The following FANCC variants were observed in gnomAD, a reference collection of about 807,000 sequenced individuals.
FANCC encodes the protein Fanconi anemia group C protein.
FANCC carries 55 observed loss-of-function variants against 71.3 expected under a neutral mutation model. The observed-to-expected ratio is 0.77, with a 90% CI of 0.62 to 0.97. FANCC has a LOEUF of 0.97. Ranked by LOEUF, FANCC falls within the 50% of genes least tolerant of loss-of-function variation. FANCC has a pLI of 0.00. For missense variants in FANCC, 678 were observed against 670.9 expected (o/e 1.01, Z -0.12); for synonymous variants, 275 against 244.9 (o/e 1.12, Z -1.15).
intron 7 of FANCC, among the ~76,000 whole-genome samples, chr9:95,140,850 C>G (rs1309708940): frequency 6.6e-6 from 1 of 152,154 alleles, no homozygotes; most frequent in Non-Finnish European, 1.5e-5. Flanking sequence ...TCTGCATGTA[C>G]AGAGCAGCTC....
chr9:95,290,013 T>G (rs1485127330), intron 1 of FANCC, among the ~76,000 whole-genome samples: 1 of 152,190 alleles, frequency 6.6e-6, no homozygotes. Flanking sequence ...TCTGAAAGAC[T>G]GATTCCAGAA....
chr9:95,317,426 C>T (rs1018639871), intron 1 of FANCC, 100 bp downstream of exon 1: 2 of 152,882 alleles, frequency 1.3e-5, no homozygotes, highest in Admixed American at 6.5e-5. Context: ...AGCCTTCCCT[C>T]TTGCCCCTCG....
intron 1 of FANCC, among the ~76,000 whole-genome samples, chr9:95,272,459 G>T (rs1832796528): frequency 6.6e-6 from 1 of 152,104 alleles, no homozygotes; most frequent in African/African-American, 2.4e-5. Flanking sequence ...GCAGTTGAGA[G>T]GCCAAGCGGG....
chr9:95,278,680 T>C (rs561948553), intron 1 of FANCC, among the ~76,000 whole-genome samples: 1 of 152,298 alleles, frequency 6.6e-6, no homozygotes, highest in South Asian at 2.1e-4. Flanking sequence ...AATTTCTGAC[T>C]TACAATATTT....
chr9:95,171,480 A>G (rs1398671175), intron 5 of FANCC, among the ~76,000 whole-genome samples: 1 of 151,834 alleles, frequency 6.6e-6, no homozygotes, highest in Non-Finnish European at 1.5e-5. Context: ...AAAAGTTGTT[A>G]TTGTACAAAG....
chr9:95,135,432 C>T lies in FANCC; in HGVS notation c.757G>A (p.Ala253Thr), dbSNP rs1827529817. Residue 253 changes from alanine to threonine, a missense_variant, in exon 8 of 15, where the codon GCA becomes ACA. Transcript: ENST00000289081. ...AGCTTTTCAAAAAGATGCAGCATTG[C>T]TTTTTCAAGGCTGGGAAGGTGCCGA... ...WLRHLPSLEK[A>T]MLHLFEKLIS... 1.9e-6 allele frequency: 3 copies of T among 1,613,928 alleles called. No individual in the cohort carries two copies. The highest frequency in any genetic ancestry group is 1.1e-5 in the South Asian group (1 of 91,074).
intron 7 of FANCC, among the ~76,000 whole-genome samples, chr9:95,144,148 G>A (rs575935340): frequency 2.0e-5 from 3 of 152,142 alleles, no homozygotes; most frequent in Non-Finnish European, 4.4e-5. Flanking sequence ...GGGGCTGGGC[G>A]CGGCTGGTAA....
intron 7 of FANCC, among the ~76,000 whole-genome samples, chr9:95,149,222 A>G (rs2135417654): frequency 6.6e-6 from 1 of 152,308 alleles, no homozygotes; most frequent in African/African-American, 2.4e-5. Flanking sequence ...TAAGGGTTTA[A>G]CAGATTTTTA....
At chr9:95,285,731 G>A (rs368189463) in intron 1 of FANCC, among the ~76,000 whole-genome samples, 1 of 152,026 alleles carries the variant, frequency 6.6e-6, no homozygotes, top group Non-Finnish European at 1.5e-5. Flanking sequence ...CTCATATGCA[G>A]GTTTCTGGTA....
chr9:95,218,298 C>A (rs554843250), intron 4 of FANCC, among the ~76,000 whole-genome samples: 2 of 152,070 alleles, frequency 1.3e-5, no homozygotes, highest in Non-Finnish European at 2.9e-5. Context: ...AACCTCGTTG[C>A]CATAAAAAAT....
chr9:95,235,122 C>T (rs1830228372), intron 4 of FANCC, among the ~76,000 whole-genome samples: 1 of 152,198 alleles, frequency 6.6e-6, no homozygotes, highest in Admixed American at 6.5e-5. Flanking sequence ...AAATAAACAA[C>T]AAAACCAATG....
rs1554829441 is a variant in FANCC, at chr9:95,111,462, C to A, written c.1329+1G>T. The A allele has an allele frequency of 1.9e-6, 3 of 1,612,188 alleles. No homozygotes were observed. In the African/African-American group the frequency reaches 4.0e-5, roughly 22 times the overall value. On this transcript the variant is annotated splice_donor_variant, in intron 13 of 14. Transcript: ENST00000289081. LOFTEE classifies it high-confidence loss of function. ...CACATGCAGTGGGGCCTGCTACCCA[C>A]CATAGTCTGTGCTCTCTGCTGCCTC...
chr9:95,103,998 C>T (rs531498050), intron 14 of FANCC, among the ~76,000 whole-genome samples: 100 of 152,320 alleles, frequency 6.6e-4, no homozygotes, highest in Non-Finnish European at 1.1e-3. Flanking sequence ...TGGCTGCGCT[C>T]GTGCTAGGTC....
intron 6 of FANCC, 142 bp from the exon 7 acceptor site, chr9:95,150,229 T>C (rs1830102275): frequency 2.6e-6 from 2 of 757,834 alleles, no homozygotes; most frequent in Non-Finnish European, 4.5e-6. Flanking sequence ...ACACCATCGA[T>C]GAACACTTCT....
At chr9:95,103,284 T>C (rs2071199141) in intron 14 of FANCC, among the ~76,000 whole-genome samples, 1 of 152,080 alleles carries the variant, frequency 6.6e-6, no homozygotes, top group Non-Finnish European at 1.5e-5. Context: ...CCCAGCTCTC[T>C]AGTCACATGC....
rs1232805962 is a variant in FANCC, at chr9:95,155,343, A to AAGGGAGGG, written c.522-5264_522-5257dup. On this transcript the variant is annotated intron_variant, in intron 6 of 14. Coordinates refer to ENST00000289081, the MANE Select transcript of FANCC (RefSeq NM_000136.3). Reference sequence around the variant, plus strand: ...AGGGGAGGGGAGGAAGGAAGGGAGGAAGGGAGGGAGGGAGGGAGGGAGGGA... The same window carrying AAGGGAGGG: ...AGGGGAGGGGAGGAAGGAAGGGAGGAAGGGAGGGAGGGAGGGAGGGAGGGAGGGAGGGA... 7.2e-3 allele frequency among the ~76,000 whole-genome samples: 191 copies of AAGGGAGGG among 26,392 alleles called. 3 individuals carry two copies. The highest frequency in any genetic ancestry group is 0.024 in the African/African-American group (122 of 5,140). 17.3% of individuals were successfully genotyped at this position (26,392 alleles called of 152,430 possible). A position where few individuals can be genotyped will look rare whatever the true frequency, so the allele number is the denominator to read the frequency against.
rs73654532 is a variant in FANCC, at chr9:95,106,764, G to T, written c.1533+302C>A. On this transcript the variant is annotated intron_variant, in intron 14 of 14. Transcript: ENST00000289081. ...AGGAGGAGAGCAGCACACTGCGATG[G>T]AAAGAAATGTACGTAGGGGGACAGG... 3.1e-3 allele frequency among the ~76,000 whole-genome samples: 476 copies of T among 152,318 alleles called. 2 individuals are homozygous for T. The highest frequency in any genetic ancestry group is 0.011 in the African/African-American group (463 of 41,568).
At chr9:95,182,381 A>T (rs1252668517) in intron 4 of FANCC, among the ~76,000 whole-genome samples, 1 of 151,996 alleles carries the variant, frequency 6.6e-6, no homozygotes, top group Non-Finnish European at 1.5e-5. Flanking sequence ...TTAGCTGGGC[A>T]TGGTGGCGGG....
intron 13 of FANCC, chr9:95,107,590 C>T (rs1311823306): frequency 4.4e-6 from 2 of 458,170 alleles, no homozygotes; most frequent in African/African-American, 3.9e-5. Flanking sequence ...GGAAAAAGAA[C>T]AAAAGGCTCC....
Sources: allele counts gnomAD v4.1 joint callset (sites outside exome capture counted in the v4.1 genomes callset), GRCh38; gene constraint gnomAD v4.1.1; transcripts MANE v1.5; gene names NCBI Gene and HGNC (gene_info 2026-07-23, HGNC 2026-07-21).